Variants in IL7 observed in about 807,000 individuals in gnomAD.
IL7 encodes the protein interleukin 7.
IL7 carries 3 observed loss-of-function variants against 21.6 expected under a neutral mutation model. The ratio of observed to expected loss-of-function variants is 0.14; its 90% CI spans 0.06 to 0.36. The LOEUF (loss-of-function observed/expected upper bound fraction) is 0.36, where lower values mean the gene tolerates loss of function less well. IL7 is among the 10% of genes least tolerant of loss of function. The pLI is 1.00. For synonymous variants in IL7, 62 were observed against 68.1 expected (o/e 0.91, Z 0.44); for missense variants, 175 against 200.2 (o/e 0.87, Z 0.76).
At chr8:78,690,530 A>G (rs1432878152) in intron 3 of IL7, among the ~76,000 whole-genome samples, 1 of 151,666 alleles carries the variant, frequency 6.6e-6, no homozygotes, top group Non-Finnish European at 1.5e-5. Flanking sequence ...ACTGCACTCC[A>G]GCTTGGGCGA....
intron 1 of IL7, 47 bp from the exon 2 acceptor site, chr8:78,798,255 G>A (rs755893568): frequency 4.6e-5 from 63 of 1,384,218 alleles, no homozygotes; most frequent in Non-Finnish European, 6.0e-5. Flanking sequence ...ATATCGTATT[G>A]CATTTGATTG....
intron 2 of IL7, among the ~76,000 whole-genome samples, chr8:78,789,548 A>T (rs776950544): frequency 1.3e-5 from 2 of 152,130 alleles, no homozygotes; most frequent in African/African-American, 4.8e-5. Flanking sequence ...GAGATACTTC[A>T]TTAAAGAGTT....
chr8:78,744,411 G>C (rs1037892454), intron 2 of IL7, among the ~76,000 whole-genome samples: 1 of 152,102 alleles, frequency 6.6e-6, no homozygotes, highest in Non-Finnish European at 1.5e-5. Flanking sequence ...CCTTCTGCCC[G>C]ATCGGTTTGG....
At chr8:78,753,011 T>C (rs1478324025) in intron 2 of IL7, among the ~76,000 whole-genome samples, 1 of 152,222 alleles carries the variant, frequency 6.6e-6, no homozygotes, top group Non-Finnish European at 1.5e-5. Flanking sequence ...GCATTTGGGT[T>C]GGTTCCAAGT....
At chr8:78,793,858 T>A (rs1439234527) in intron 2 of IL7, among the ~76,000 whole-genome samples, 1 of 152,150 alleles carries the variant, frequency 6.6e-6, no homozygotes, top group African/African-American at 2.4e-5. Flanking sequence ...TATCCTAAAT[T>A]TTTTCTTGTC....
intron 2 of IL7, among the ~76,000 whole-genome samples, chr8:78,754,072 A>G (rs1563421615): frequency 6.6e-6 from 1 of 152,212 alleles, no homozygotes; most frequent in Non-Finnish European, 1.5e-5. Context: ...AGAAAGAAAT[A>G]AAGGATATTC....
At chr8:78,771,920 T>A (rs191570584) in intron 2 of IL7, among the ~76,000 whole-genome samples, 17 of 152,260 alleles carry the variant, frequency 1.1e-4, no homozygotes, top group African/African-American at 3.6e-4. Context: ...AGTCCTCTCT[T>A]AACTGAGATT....
chr8:78,717,468 G>A (rs772869260), downstream of IL7: 7 of 1,589,310 alleles, frequency 4.4e-6, no homozygotes, highest in Non-Finnish European at 6.0e-6. Flanking sequence ...TGCTGTGAAT[G>A]TGGCATTCGA....
chr8:78,689,314 A>C, intron 3 of IL7: 1 of 1,605,124 alleles, frequency 6.2e-7, no homozygotes, highest in Non-Finnish European at 8.5e-7. Context: ...AGCACGTATT[A>C]GTAATAAAGG....
chr8:78,702,266 T>G (rs1207022356), intron 3 of IL7, among the ~76,000 whole-genome samples: 1 of 152,224 alleles, frequency 6.6e-6, no homozygotes, highest in African/African-American at 2.4e-5. Flanking sequence ...ATTGAGGTAT[T>G]CATAATATTC....
At chr8:78,723,530 A>G (rs1378783693) in intron 3 of IL7, among the ~76,000 whole-genome samples, 1 of 152,044 alleles carries the variant, frequency 6.6e-6, no homozygotes, top group Non-Finnish European at 1.5e-5. Context: ...AATATTAACT[A>G]TATACTGATG....
At chr8:78,738,712 G>C in intron 3 of IL7, 77 bp from the exon 4 acceptor site, 1 of 1,389,470 alleles carries the variant, frequency 7.2e-7, no homozygotes, top group South Asian at 1.3e-5. Context: ...AAGGAGCCTA[G>C]AGCTTGAGCT....
chr8:78,725,794 T>C (rs1225426530), intron 3 of IL7, among the ~76,000 whole-genome samples: 1 of 152,062 alleles, frequency 6.6e-6, no homozygotes, highest in African/African-American at 2.4e-5. Flanking sequence ...ATCAGTAACA[T>C]GTATAAAATC....
intron 5 of IL7, among the ~76,000 whole-genome samples, chr8:78,734,986 T>A (rs548589723): frequency 2.0e-5 from 3 of 152,314 alleles, no homozygotes; most frequent in Admixed American, 2.0e-4. Flanking sequence ...TTTTGTCATG[T>A]ATTTAGTAAC....
intron 2 of IL7, among the ~76,000 whole-genome samples, chr8:78,791,936 C>T (rs971134944): frequency 2.4e-4 from 36 of 151,830 alleles, no homozygotes; most frequent in African/African-American, 8.7e-4. Context: ...ATACTAATCC[C>T]TAAAAAAAGG....
At chr8:78,771,810 G>GC (rs1466739343) in intron 2 of IL7, among the ~76,000 whole-genome samples, 1 of 152,042 alleles carries the variant, frequency 6.6e-6, no homozygotes, top group Non-Finnish European at 1.5e-5. Flanking sequence ...TCTAAAAACT[G>GC]CCCCCCTTTC....
chr8:78,681,901 C>CTTTTTTTTT (rs56181953), intron 4 of IL7, among the ~76,000 whole-genome samples: 77 of 126,412 alleles, frequency 6.1e-4, no homozygotes, highest in East Asian at 1.2e-3. Flanking sequence ...CTTTTTCTTT[C>CTTTTTTTTT]TTTTTTTTTT....
In IL7 at chr8:78,804,998, C is replaced by T; in HGVS notation, c.-76G>A. 1 of 1,525,846 alleles carries T rather than the reference C, an allele frequency of 6.6e-7. No homozygotes were observed. 94.5% of individuals were successfully genotyped at this position (1,525,846 alleles called of 1,614,324 possible). A position where few individuals can be genotyped will look rare whatever the true frequency, so the allele number is the denominator to read the frequency against. The stretch of plus-strand genomic sequence containing the variant: ...AAGCTCTCACCGCCCATAGTCACTC[C>T]CAGGACCCTGGTCTTCCGCGGAGTT... On this transcript the variant is annotated 5_prime_UTR_variant, in exon 1 of 6. Coordinates refer to ENST00000263851, the MANE Select transcript of IL7 (RefSeq NM_000880.4).
chr8:78,732,621 T>G (rs1811447917), downstream of IL7, among the ~76,000 whole-genome samples: 1 of 152,092 alleles, frequency 6.6e-6, no homozygotes. Context: ...AGACTAAAAT[T>G]TAACATAGAA....
Sources: gnomAD v4.1 joint callset for allele counts (sites outside exome capture counted in the v4.1 genomes callset) on GRCh38, gnomAD v4.1.1 for gene constraint, MANE v1.5 for transcripts, NCBI Gene and HGNC (gene_info 2026-07-23, HGNC 2026-07-21) for gene names.